Variants in ZC3H12B observed in about 807,000 individuals in gnomAD.
ZC3H12B encodes the protein probable ribonuclease ZC3H12B.
ZC3H12B carries 7 observed loss-of-function variants against 43.9 expected under a neutral mutation model. That is an observed-to-expected ratio of 0.16 (90% CI 0.09 to 0.30). The LOEUF (loss-of-function observed/expected upper bound fraction) is 0.30. ZC3H12B is among the 10% of genes least tolerant of loss of function. The pLI is 1.00. For missense variants in ZC3H12B, 475 were observed against 670.2 expected (o/e 0.71, Z 3.22); for synonymous variants, 222 against 241.7 (o/e 0.92, Z 0.76).
At chrX:65,387,711 AG>A (rs2066548970) in intron 2 of ZC3H12B, among the ~76,000 whole-genome samples, 1 of 112,045 alleles carries the variant, frequency 8.9e-6, no homozygotes, top group Non-Finnish European at 1.9e-5. Flanking sequence ...TTTGCTCCTT[AG>A]TTGATGCAGT....
chrX:65,449,966 A>G lies in ZC3H12B; in HGVS notation n.408-38680A>G, dbSNP rs1036134517. Among the ~76,000 whole-genome samples the G allele has an allele frequency of 5.4e-4, 60 of 111,210 alleles. 1 individual carries two copies. Among genetic ancestry groups the G allele is most frequent in the Admixed American group, 5.8e-4 (6 of 10,347 alleles). Reference sequence around the variant, plus strand: ...GATTTCACCACCATACAATTCATTCATGTAACCAAAAGCCACTTGTACCCC... The same window carrying G: ...GATTTCACCACCATACAATTCATTCGTGTAACCAAAAGCCACTTGTACCCC... On this transcript the variant is annotated intron_variant and non_coding_transcript_variant, in intron 3 of 5. Coordinates refer to the ZC3H12B transcript ENST00000617377.
the ZC3H12B span, among the ~76,000 whole-genome samples, chrX:65,108,078 A>G: frequency 1.6e-3 from 180 of 111,154 alleles, no homozygotes; most frequent in Non-Finnish European, 2.9e-3. Flanking sequence ...TGTATTTGAC[A>G]CTTATGGTGA....
chrX:65,253,275 C>T, the ZC3H12B span, among the ~76,000 whole-genome samples: 1 of 112,315 alleles, frequency 8.9e-6, no homozygotes, highest in Non-Finnish European at 1.9e-5. Context: ...CTCTCATGCA[C>T]TGGGATTCAT....
the ZC3H12B span, among the ~76,000 whole-genome samples, chrX:65,149,057 G>C: frequency 9.0e-6 from 1 of 110,806 alleles, no homozygotes; most frequent in Non-Finnish European, 1.9e-5. Flanking sequence ...GTGTTTTTTT[G>C]GTTAGGACTT....
upstream of ZC3H12B, chrX:65,488,688 C>T (rs1317340983): frequency 1.0e-6 from 1 of 959,761 alleles, no homozygotes; most frequent in Non-Finnish European, 1.4e-6. Flanking sequence ...CAGTCAAACT[C>T]TTGCACCATC....
At chrX:65,295,999 C>T in the ZC3H12B span, among the ~76,000 whole-genome samples, 2 of 111,749 alleles carry the variant, frequency 1.8e-5, no homozygotes, top group Middle Eastern at 4.6e-3. Context: ...TCCAGCAATC[C>T]TACTACTAGG....
chrX:65,215,651 T>G, the ZC3H12B span, among the ~76,000 whole-genome samples: 3 of 111,477 alleles, frequency 2.7e-5, no homozygotes, highest in Non-Finnish European at 5.6e-5. Flanking sequence ...TTTCAATTTT[T>G]TATCATCTGC....
the ZC3H12B span, among the ~76,000 whole-genome samples, chrX:65,202,019 C>T: frequency 1.1e-5 from 1 of 91,564 alleles, no homozygotes; most frequent in South Asian, 4.8e-4. Context: ...AATTAAACCT[C>T]TTTCCTTTAT....
chrX:65,134,315 A>G, the ZC3H12B span, among the ~76,000 whole-genome samples: 1 of 110,995 alleles, frequency 9.0e-6, no homozygotes, highest in Non-Finnish European at 1.9e-5. Flanking sequence ...CCCCTCAGTG[A>G]TCAGACACCA....
chrX:65,348,559 C>T, the ZC3H12B span, among the ~76,000 whole-genome samples: 1 of 110,932 alleles, frequency 9.0e-6, no homozygotes, highest in African/African-American at 3.3e-5. Flanking sequence ...TTAAAAGACA[C>T]AGGCTGCCAA....
chrX:65,309,902 A>T, the ZC3H12B span, among the ~76,000 whole-genome samples: 1 of 112,256 alleles, frequency 8.9e-6, no homozygotes, highest in East Asian at 2.8e-4. Flanking sequence ...CAAAAACCAC[A>T]TAATTATCTC....
At chrX:65,113,342 G>A in the ZC3H12B span, among the ~76,000 whole-genome samples, 1 of 111,535 alleles carries the variant, frequency 9.0e-6, no homozygotes, top group African/African-American at 3.3e-5. Context: ...AAACCTAGTT[G>A]ATTAAGCAGT....
chrX:65,116,706 C>A, the ZC3H12B span, among the ~76,000 whole-genome samples: 1 of 109,919 alleles, frequency 9.1e-6, no homozygotes, highest in Non-Finnish European at 1.9e-5. Context: ...CTAATGCTAT[C>A]CTTCCCCCCT....
chrX:65,164,971 A>G, the ZC3H12B span, among the ~76,000 whole-genome samples: 6 of 112,234 alleles, frequency 5.3e-5, no homozygotes, highest in African/African-American at 1.6e-4. Flanking sequence ...CAGGCATTAT[A>G]CAGTTTAGTT....
chrX:65,500,740 TTTG>T (rs1372775528), intron 4 of ZC3H12B, among the ~76,000 whole-genome samples: 1 of 109,984 alleles, frequency 9.1e-6, no homozygotes, highest in Non-Finnish European at 1.9e-5. Flanking sequence ...CTTTCCAGTT[TTTG>T]TTTTTTTTTT....
Position 65,408,668 on chromosome X carries a change from C to T in ZC3H12B, n.407+9964C>T, listed in dbSNP as rs1162533113. On this transcript the variant is annotated intron_variant and non_coding_transcript_variant, in intron 3 of 5. Transcript: ENST00000617377. Reference sequence around the variant, plus strand: ...TGCAGAGCACCACAGAGATGAGAGGCCCGGCAAGCCAGATTAGGACTTTGT... The same window carrying T: ...TGCAGAGCACCACAGAGATGAGAGGTCCGGCAAGCCAGATTAGGACTTTGT... 6.1e-6 allele frequency: 6 copies of T among 989,101 alleles called. No individual in the cohort carries two copies. The East Asian group carries it at 1.9e-4, about 32-fold the overall frequency. The allele number at this position is 989,101 out of a possible 1,213,427, so 81.5% of individuals were successfully genotyped here. A position where few individuals can be genotyped will look rare whatever the true frequency, so the allele number is the denominator to read the frequency against.
intron 3 of ZC3H12B, among the ~76,000 whole-genome samples, chrX:65,442,803 C>T (rs1458888495): frequency 8.9e-6 from 1 of 112,081 alleles, no homozygotes; most frequent in East Asian, 2.8e-4. Flanking sequence ...TCAAATGTAG[C>T]TGTAATATTT....
chrX:65,203,313 C>A, the ZC3H12B span, among the ~76,000 whole-genome samples: 1 of 111,722 alleles, frequency 9.0e-6, no homozygotes, highest in Non-Finnish European at 1.9e-5. Context: ...CTTTCCATAG[C>A]CACCACAGCT....
At chrX:65,120,894 T>C in the ZC3H12B span, among the ~76,000 whole-genome samples, 2 of 111,832 alleles carry the variant, frequency 1.8e-5, no homozygotes, top group Non-Finnish European at 3.8e-5. Flanking sequence ...CTTTTCTACA[T>C]TTATTGAGAT....
Sources: gnomAD v4.1 joint callset for allele counts (sites outside exome capture counted in the v4.1 genomes callset) on GRCh38, gnomAD v4.1.1 for gene constraint, MANE v1.5 for transcripts, NCBI Gene and HGNC (gene_info 2026-07-23, HGNC 2026-07-21) for gene names.